The following URB2 variants were observed in gnomAD, a reference collection of about 807,000 sequenced individuals.
The protein encoded by URB2 is unhealthy ribosome biogenesis protein 2 homolog.
A neutral mutation model predicts 120.9 loss-of-function variants in URB2; 86 were observed. That is an observed-to-expected ratio of 0.71 (90% CI 0.60 to 0.85). URB2 has a LOEUF of 0.85. URB2 is among the 40% of genes least tolerant of loss of function. The pLI is 0.00. For missense variants in URB2, 1,765 were observed against 1,836.5 expected (o/e 0.96, Z 0.71); for synonymous variants, 755 against 758.4 (o/e 1.00, Z 0.07).
rs765328636 is a variant in URB2 at position 229,659,336 on chromosome 1, A to T, written c.*39A>T. ...AAGTGCCGCCAGTGACACTGTCCAG[A>T]GGCTTTGGCTGCATGGTCTGAAAGA... is the stretch of plus-strand genomic sequence containing the variant. On this transcript the variant is annotated 3_prime_UTR_variant, in exon 10 of 10. Coordinates refer to ENST00000258243, the MANE Select transcript of URB2 (RefSeq NM_014777.4). The T allele has an allele frequency of 1.3e-6, 2 of 1,593,172 alleles. No homozygotes were observed. The highest frequency in any genetic ancestry group is 1.1e-5 in the South Asian group (1 of 90,304).
In URB2 at chr1:229,636,774, G is replaced by C; in HGVS notation, c.2161G>C (p.Ala721Pro). The C allele has an allele frequency of 6.2e-7, 1 of 1,612,094 alleles. No homozygotes were observed. Among genetic ancestry groups the C allele is most frequent in the Non-Finnish European group, 8.5e-7 (1 of 1,178,540 alleles). ...GRKSLNQRTTASWDGQVGMVS... is the reference protein window; with the variant it reads ...GRKSLNQRTTPSWDGQVGMVS... ...AAAAAGCTTGAATCAGAGAACGACG[G>C]CTTCCTGGGATGGCCAAGTTGGGAT... is the stretch of plus-strand genomic sequence containing the variant. The change falls in exon 4 of 10, where the codon GCT becomes CCT. Residue 721 changes from alanine to proline, a missense_variant. Transcript: ENST00000258243.
At chr1:229,631,000 A>G in intron 2 of URB2, among the ~76,000 whole-genome samples, 1 of 151,488 alleles carries the variant, frequency 6.6e-6, no homozygotes, top group South Asian at 2.1e-4. Flanking sequence ...AAAAAAAAAA[A>G]AAAAAGAAAG....
intron 1 of URB2, 147 bp from the exon 2 acceptor site, chr1:229,627,474 C>G: frequency 1.3e-6 from 1 of 752,032 alleles, no homozygotes; most frequent in Non-Finnish European, 1.9e-6. Flanking sequence ...TAGATTTACC[C>G]CGACAAATCT....
intron 4 of URB2, 107 bp downstream of exon 4, chr1:229,638,354 CCACATGTGCGGCTGGGTGCGGTGG>C (rs1320404209): frequency 7.6e-7 from 1 of 1,311,990 alleles, no homozygotes; most frequent in Non-Finnish European, 1.0e-6. Context: ...TCAAAAGGTA[CCACATGTGCGGCTGGGTGCGGTGG>C]CTTACACCTG....
At position 229,636,088 on chromosome 1, in the gene URB2, C is replaced by T. The variant is rs116617673; in HGVS notation, c.1475C>T (p.Ser492Leu). Reference sequence around the variant, plus strand: ...GCACTGAGGCAGCCTGTGCTGGCCTCGGGCCCCTCCACGGTACTCTCTGCA... The same window carrying T: ...GCACTGAGGCAGCCTGTGCTGGCCTTGGGCCCCTCCACGGTACTCTCTGCA... ...AEALRQPVLASGPSTVLSACL... is the reference protein window; with the variant it reads ...AEALRQPVLALGPSTVLSACL... The change falls in exon 4 of 10, where the codon TCG (serine) becomes TTG (leucine). Residue 492 changes from serine to leucine, a missense_variant. By Grantham distance (145) the Ser-to-Leu change is moderately radical. Coordinates refer to ENST00000258243, the MANE Select transcript of URB2 (RefSeq NM_014777.4). 274 of 1,614,280 alleles carry T rather than the reference C, an allele frequency of 1.7e-4. No homozygotes were observed. In the East Asian group the frequency reaches 3.1e-3, roughly 18 times the overall value.
chr1:229,657,146 T>C (rs1294218392), intron 9 of URB2, among the ~76,000 whole-genome samples: 2 of 152,222 alleles, frequency 1.3e-5, no homozygotes, highest in East Asian at 3.8e-4. Context: ...TTAGAATAAG[T>C]AGTTTGTGCT....
intron 2 of URB2, among the ~76,000 whole-genome samples, chr1:229,628,098 A>G (rs1054583532): frequency 2.9e-5 from 4 of 140,012 alleles, no homozygotes; most frequent in Non-Finnish European, 6.1e-5. Flanking sequence ...AAAATTATAT[A>G]TATTATATAT....
In URB2 at chr1:229,659,293, C is replaced by T. The variant is rs1473739213; in HGVS notation, c.4571C>T (p.Ala1524Val). ...AKHEGEKRYT[A>V] ...CATGAAGGAGAGAAAAGATATACGG[C>T]CTAAGGCTATGGGACAGAAGTGCCG... Residue 1524 changes from alanine to valine, a missense_variant, in exon 10 of 10, where the codon GCC (alanine) becomes GTC (valine). By Grantham distance (64) the Ala-to-Val change is moderately conservative. Coordinates refer to ENST00000258243, the MANE Select transcript of URB2 (RefSeq NM_014777.4). 3 of 1,613,750 alleles carry T rather than the reference C, an allele frequency of 1.9e-6. No homozygotes were observed. The South Asian group carries it at 3.3e-5, about 18-fold the overall frequency.
intron 4 of URB2, among the ~76,000 whole-genome samples, chr1:229,639,336 C>CT (rs200235230): frequency 0.31 from 41,251 of 135,056 alleles, 7,022 homozygotes; most frequent in East Asian, 0.52. Context: ...CACTTAATTT[C>CT]TTTTTTTTTT....
intron 8 of URB2, among the ~76,000 whole-genome samples, chr1:229,653,468 A>G (rs544982145): frequency 1.3e-5 from 2 of 152,288 alleles, no homozygotes; most frequent in African/African-American, 4.8e-5. Context: ...TCCCAGCCCC[A>G]GTCACCCATC....
At position 229,635,547 on chromosome 1, in the gene URB2, C is replaced by A. The variant is rs531628488; in HGVS notation, c.934C>A (p.Leu312Ile). 4.3e-5 allele frequency: 69 copies of A among 1,614,096 alleles called. No individual in the cohort carries two copies. The South Asian group carries it at 7.2e-4, about 17-fold the overall frequency. The part of the protein sequence containing the change: ...NSVALLYKLF[L>I]DSYFKEGNQL... ...AGTGGCCTTGCTGTATAAGCTCTTTCTAGATTCTTACTTTAAGGAGGGAAA... is the reference window on the plus strand; with the variant it reads ...AGTGGCCTTGCTGTATAAGCTCTTTATAGATTCTTACTTTAAGGAGGGAAA... The change falls in exon 4 of 10, where the codon CTA becomes ATA. Residue 312 changes from leucine (L) to isoleucine (I), a missense_variant. Leu to Ile is a conservative substitution (Grantham distance 5, BLOSUM62 2). Transcript: ENST00000258243.
chr1:229,644,350 A>G (rs929895322), intron 5 of URB2, among the ~76,000 whole-genome samples: 23 of 152,382 alleles, frequency 1.5e-4, no homozygotes, highest in Non-Finnish European at 2.4e-4. Flanking sequence ...ACTCCTGGTC[A>G]TATACAGCAC....
rs1666178905 is a variant in URB2 at position 229,647,588 on chromosome 1, C to G, written c.3985C>G (p.Leu1329Val). 6.2e-7 allele frequency: 1 copy of G among 1,614,240 alleles called. No individual in the cohort carries two copies. The highest frequency in any genetic ancestry group is 1.7e-5 in the Admixed American group (1 of 60,032). The stretch of plus-strand genomic sequence containing the variant: ...GCCTGTCTTAGATGTCCTGGCTGCA[C>G]TGCTGCGGCAGGGGGAGGAGGCCAT... ...VGPVLDVLAALLRQGEEAIGN... is the reference protein window; with the variant it reads ...VGPVLDVLAAVLRQGEEAIGN... Residue 1329 changes from leucine (L) to valine (V), a missense_variant, in exon 7 of 10, where the codon CTG (leucine) becomes GTG (valine). Coordinates refer to ENST00000258243, the MANE Select transcript of URB2 (RefSeq NM_014777.4).
chr1:229,659,229 G>A lies in URB2; in HGVS notation c.4507G>A (p.Glu1503Lys). The change falls in exon 10 of 10, where the codon GAG becomes AAG. Residue 1503 changes from glutamate (E) to lysine (K), a missense_variant. Coordinates refer to ENST00000258243, the MANE Select transcript of URB2 (RefSeq NM_014777.4). ...LQPGMRDIFKELYNDYLKYHK... is the reference protein window; with the variant it reads ...LQPGMRDIFKKLYNDYLKYHK... Reference sequence around the variant, plus strand: ...GCCGGGAATGAGAGACATCTTTAAGGAGCTCTATAATGACTATCTCAAGTA... The same window carrying A: ...GCCGGGAATGAGAGACATCTTTAAGAAGCTCTATAATGACTATCTCAAGTA... The A allele has an allele frequency of 3.1e-6, 5 of 1,614,030 alleles. No homozygotes were observed. Among genetic ancestry groups the A allele is most frequent in the Non-Finnish European group, 4.2e-6 (5 of 1,180,036 alleles).
Position 229,643,698 on chromosome 1 carries a change from G to A in URB2, c.3795+5G>A. 4.3e-6 allele frequency: 7 copies of A among 1,609,724 alleles called. No homozygotes were observed. Among genetic ancestry groups the A allele is most frequent in the Non-Finnish European group, 2.5e-6 (3 of 1,177,728 alleles). Reference sequence around the variant, plus strand: ...ATGTGGAAAGCAGATGTGCAGGTGGGTGCCTTCTCCCTCCTTGTGTGGCAG... The same window carrying A: ...ATGTGGAAAGCAGATGTGCAGGTGGATGCCTTCTCCCTCCTTGTGTGGCAG... On this transcript the variant is annotated splice_donor_5th_base_variant and intron_variant, in intron 5 of 9. Coordinates refer to ENST00000258243, the MANE Select transcript of URB2 (RefSeq NM_014777.4).
chr1:229,655,441 C>G (rs1479367453), intron 9 of URB2, among the ~76,000 whole-genome samples: 1 of 152,126 alleles, frequency 6.6e-6, no homozygotes, highest in East Asian at 1.9e-4. Context: ...GCCATGTTGG[C>G]CAGGCTGGTC....
intron 9 of URB2, among the ~76,000 whole-genome samples, chr1:229,658,016 A>G (rs958726134): frequency 6.6e-5 from 10 of 152,156 alleles, no homozygotes; most frequent in South Asian, 2.1e-4. Flanking sequence ...GTTTTTTTCT[A>G]CTTCTTAAAA....
chr1:229,633,150 C>T (rs1239270765), intron 3 of URB2, among the ~76,000 whole-genome samples: 1 of 152,220 alleles, frequency 6.6e-6, no homozygotes, highest in Non-Finnish European at 1.5e-5. Context: ...CTGCCTCACC[C>T]TCATGAGTGT....
Position 229,647,810 on chromosome 1 carries a change from G to A in URB2, c.4149+58G>A, listed in dbSNP as rs564999699. On this transcript the variant is annotated intron_variant, in intron 7 of 9. Transcript: ENST00000258243. ...TTCCTCTGCGAGCAGGGTACTTGAAGTCTGTAGAAAAGTGGCAGCAAAACT... is the reference window on the plus strand; with the variant it reads ...TTCCTCTGCGAGCAGGGTACTTGAAATCTGTAGAAAAGTGGCAGCAAAACT... The A allele has an allele frequency of 3.9e-4, 616 of 1,571,518 alleles. 2 individuals are homozygous for A. Among genetic ancestry groups the A allele is most frequent in the Non-Finnish European group, 5.1e-4 (588 of 1,156,746 alleles).
Sources: gnomAD v4.1 joint callset for allele counts (sites outside exome capture counted in the v4.1 genomes callset) on GRCh38, gnomAD v4.1.1 for gene constraint, MANE v1.5 for transcripts, NCBI Gene and HGNC (gene_info 2026-07-23, HGNC 2026-07-21) for gene names.